RALGAPA2: variants seen among roughly 807,000 people sequenced by gnomAD.
RALGAPA2 encodes Ral GTPase activating protein catalytic subunit alpha 2.
RALGAPA2 carries 139 observed loss-of-function variants against 230.4 expected under a neutral mutation model. The ratio of observed to expected loss-of-function variants is 0.60; its 90% CI spans 0.53 to 0.69. RALGAPA2 has a LOEUF of 0.69. RALGAPA2 is among the 30% of genes least tolerant of loss of function. The pLI, the probability that RALGAPA2 is intolerant of heterozygous loss-of-function variation, is 0.00. For missense variants in RALGAPA2, 2,163 were observed against 2,276.0 expected, an observed-to-expected ratio of 0.95 and a Z score of 1.01; for synonymous variants, 847 against 837.8, an observed-to-expected ratio of 1.01 and a Z score of -0.19.
At chr20:20,500,589 T>A (rs1292505057) in intron 35 of RALGAPA2, among the ~76,000 whole-genome samples, 2 of 152,232 alleles carry the variant, frequency 1.3e-5, no homozygotes, top group Non-Finnish European at 2.9e-5. Context: ...GTGCAGTGAC[T>A]TCCTTCACTG....
chr20:20,668,638 TGA>T (rs2068035944), intron 3 of RALGAPA2, among the ~76,000 whole-genome samples: 1 of 152,126 alleles, frequency 6.6e-6, no homozygotes, highest in Admixed American at 6.5e-5. Flanking sequence ...CACAGTCAAA[TGA>T]TAACACAAGG....
intron 27 of RALGAPA2, among the ~76,000 whole-genome samples, chr20:20,527,419 T>C (rs151189579): frequency 6.6e-6 from 1 of 152,296 alleles, no homozygotes; most frequent in Non-Finnish European, 1.5e-5. Context: ...CAATTTCCAC[T>C]GACCTTGTTC....
intron 1 of RALGAPA2, among the ~76,000 whole-genome samples, chr20:20,681,022 A>G (rs6112974): frequency 0.38 from 57,133 of 152,012 alleles, 11,954 homozygotes; most frequent in East Asian, 0.64. Flanking sequence ...GAGACCGTGG[A>G]GCCAATTCAG....
intron 38 of RALGAPA2, among the ~76,000 whole-genome samples, chr20:20,411,765 C>T (rs369953249): frequency 9.9e-5 from 15 of 152,268 alleles, no homozygotes; most frequent in East Asian, 7.7e-4. Context: ...CTGAATGAAC[C>T]GGAGCACATT....
intron 37 of RALGAPA2, among the ~76,000 whole-genome samples, chr20:20,434,958 A>T (rs2060577882): frequency 6.6e-6 from 1 of 152,218 alleles, no homozygotes; most frequent in Non-Finnish European, 1.5e-5. Flanking sequence ...TTTTAGAGAA[A>T]GGCATTCAAA....
At chr20:20,469,760 A>T (rs2061498313) in intron 37 of RALGAPA2, among the ~76,000 whole-genome samples, 1 of 152,164 alleles carries the variant, frequency 6.6e-6, no homozygotes, top group Admixed American at 6.5e-5. Flanking sequence ...TTGATTTTGG[A>T]ATCTTTAGTC....
chr20:20,550,105 T>A (rs757244714), intron 23 of RALGAPA2, among the ~76,000 whole-genome samples: 2 of 152,282 alleles, frequency 1.3e-5, no homozygotes, highest in Middle Eastern at 3.4e-3. Context: ...CAGTAAGCAC[T>A]ATACCCAATT....
intron 1 of RALGAPA2, among the ~76,000 whole-genome samples, chr20:20,687,049 G>A (rs1353491585): frequency 6.6e-6 from 1 of 152,204 alleles, no homozygotes; most frequent in African/African-American, 2.4e-5. Flanking sequence ...AGTCCTGTGT[G>A]TAGATGAAGA....
intron 1 of RALGAPA2, among the ~76,000 whole-genome samples, chr20:20,704,511 C>T (rs1474382181): frequency 1.3e-5 from 2 of 152,194 alleles, no homozygotes; most frequent in Admixed American, 6.5e-5. Flanking sequence ...AAAGACATGG[C>T]CAAACTCAGG....
intron 4 of RALGAPA2, among the ~76,000 whole-genome samples, chr20:20,646,559 T>C (rs1192091698): frequency 2.0e-5 from 3 of 152,218 alleles, no homozygotes; most frequent in South Asian, 2.1e-4. Flanking sequence ...GCTGATTCTA[T>C]GAATTTCTAA....
At chr20:20,677,569 A>G (rs942082210) in intron 2 of RALGAPA2, among the ~76,000 whole-genome samples, 1 of 151,466 alleles carries the variant, frequency 6.6e-6, no homozygotes, top group Non-Finnish European at 1.5e-5. Flanking sequence ...GACCACTGTA[A>G]TAACAGGGAA....
chr20:20,630,519 T>C, intron 9 of RALGAPA2, among the ~76,000 whole-genome samples: 1 of 152,216 alleles, frequency 6.6e-6, no homozygotes, highest in East Asian at 1.9e-4. Flanking sequence ...AATTTTTCTC[T>C]TCATGCCTTA....
intron 36 of RALGAPA2, among the ~76,000 whole-genome samples, chr20:20,489,643 T>G (rs1812123411): frequency 6.6e-6 from 1 of 152,040 alleles, no homozygotes; most frequent in Non-Finnish European, 1.5e-5. Context: ...AATACTACTG[T>G]AAAGATAAAT....
At chr20:20,433,428 G>T (rs976583174) in intron 37 of RALGAPA2, among the ~76,000 whole-genome samples, 2 of 152,172 alleles carry the variant, frequency 1.3e-5, no homozygotes, top group African/African-American at 4.8e-5. Flanking sequence ...AGGGGCTGAG[G>T]GGATTTGGAG....
At chr20:20,493,186 AAG>A (rs1368918329) in intron 36 of RALGAPA2, among the ~76,000 whole-genome samples, 1 of 152,172 alleles carries the variant, frequency 6.6e-6, no homozygotes, top group African/African-American at 2.4e-5. Flanking sequence ...TTCCCTCCGC[AAG>A]CCTCTTGCAT....
intron 24 of RALGAPA2, among the ~76,000 whole-genome samples, chr20:20,545,318 TC>T (rs1218925162): frequency 3.9e-5 from 6 of 152,142 alleles, no homozygotes; most frequent in African/African-American, 1.4e-4. Flanking sequence ...CACCTTGGCT[TC>T]CTGAGTCTCC....
chr20:20,649,845 C>T (rs117550900), intron 4 of RALGAPA2, among the ~76,000 whole-genome samples: 222 of 152,266 alleles, frequency 1.5e-3, no homozygotes, highest in South Asian at 0.01. Context: ...GCTGCCAGTG[C>T]GATTCTTTGC....
At chr20:20,567,066 T>C (rs140347379) in intron 23 of RALGAPA2, among the ~76,000 whole-genome samples, 227 of 152,362 alleles carry the variant, frequency 1.5e-3, no homozygotes, top group African/African-American at 5.3e-3. Flanking sequence ...TTAACTTTGA[T>C]GTATAACAGA....
At chr20:20,433,215 T>C (rs999999052) in intron 37 of RALGAPA2, among the ~76,000 whole-genome samples, 10 of 152,230 alleles carry the variant, frequency 6.6e-5, no homozygotes, top group Admixed American at 2.0e-4. Flanking sequence ...AAGAAAGTAT[T>C]GTTACTCTCA....
Sources: allele counts gnomAD v4.1 joint callset (sites outside exome capture counted in the v4.1 genomes callset), GRCh38; gene constraint gnomAD v4.1.1; transcripts MANE v1.5; gene names NCBI Gene and HGNC (gene_info 2026-07-23, HGNC 2026-07-21).